The following GSE1 variants were observed in gnomAD, a reference collection of about 807,000 sequenced individuals.
GSE1 encodes Gse1 coiled-coil protein.
GSE1 carries 32 observed loss-of-function variants against 112.6 expected under a neutral mutation model. That is an observed-to-expected ratio of 0.28 (90% CI 0.21 to 0.38). The LOEUF is 0.38. Ranked by LOEUF, GSE1 falls within the 10% of genes least tolerant of loss-of-function variation. The pLI is 1.00. For missense variants in GSE1, 2,348 were observed against 1,699.2 expected (o/e 1.38, Z -6.71); for synonymous variants, 1,115 against 735.6 (o/e 1.52, Z -8.35).
chr16:85,428,219 G>C lies in GSE1; in HGVS notation c.2464+70576G>C, dbSNP rs1289460337. 3.3e-5 allele frequency among the ~76,000 whole-genome samples: 5 copies of C among 152,246 alleles called. No homozygotes were observed. In the East Asian group the frequency reaches 9.6e-4, roughly 29 times the overall value. The stretch of plus-strand genomic sequence containing the variant: ...CCCCTCATTAGCAGGGCAGGCTGAG[G>C]GCCCGAGACAAGGTCCAGCCCCGGC... On this transcript the variant is annotated intron_variant, in intron 2 of 2. Coordinates refer to the GSE1 transcript ENST00000637419.
intron 1 of GSE1, among the ~76,000 whole-genome samples, chr16:85,624,950 T>C (rs1442930762): frequency 6.6e-6 from 1 of 152,192 alleles, no homozygotes; most frequent in Non-Finnish European, 1.5e-5. Context: ...CTTTGCTTTC[T>C]GGGGTCTGCT....
In GSE1 at chr16:85,518,731, G is replaced by C. The variant is rs74415561; in HGVS notation, c.2465-115183G>C. ...TTAAATCACCCAGCAAGCAGGGGAC[G>C]TGCTCTCAGGTGTGCCCAGAGCTGC... On this transcript the variant is annotated intron_variant, in intron 2 of 2. Transcript: ENST00000637419. 9.6e-3 allele frequency among the ~76,000 whole-genome samples: 1,461 copies of C among 152,106 alleles called. 22 individuals are homozygous for C. The highest frequency in any genetic ancestry group is 0.033 in the African/African-American group (1,368 of 41,468).
intron 1 of GSE1, among the ~76,000 whole-genome samples, chr16:85,184,851 A>G (rs1862460827): frequency 6.6e-6 from 1 of 152,246 alleles, no homozygotes; most frequent in African/African-American, 2.4e-5. Context: ...ATTTAAGTGT[A>G]CGCTCTTGAA....
intron 1 of GSE1, among the ~76,000 whole-genome samples, chr16:85,629,795 C>T (rs140142850): frequency 1.1e-3 from 168 of 152,320 alleles, no homozygotes; most frequent in African/African-American, 3.8e-3. Context: ...GATAGTTTCA[C>T]TTCTTGGCTT....
At chr16:85,312,365 G>A (rs943445997) in intron 1 of GSE1, among the ~76,000 whole-genome samples, 1 of 152,178 alleles carries the variant, frequency 6.6e-6, no homozygotes, top group Admixed American at 6.5e-5. Context: ...TGGCAGGGCC[G>A]CCCTCCCTTC....
intron 1 of GSE1, among the ~76,000 whole-genome samples, chr16:85,173,941 CCTT>C (rs1224072022): frequency 6.6e-6 from 1 of 152,100 alleles, no homozygotes; most frequent in Non-Finnish European, 1.5e-5. Flanking sequence ...GCTCTTGAGG[CCTT>C]CTTATATCAT....
chr16:85,411,337 AG>A (rs869205389), intron 2 of GSE1, among the ~76,000 whole-genome samples: 2 of 14,000 alleles, frequency 1.4e-4, no homozygotes, highest in Non-Finnish European at 1.7e-4. Context: ...CGTTACACTC[AG>A]GGCCCCCCTG....
chr16:85,191,240 A>G (rs1051485070), intron 1 of GSE1, among the ~76,000 whole-genome samples: 3 of 152,222 alleles, frequency 2.0e-5, no homozygotes, highest in Non-Finnish European at 2.9e-5. Flanking sequence ...AGCCTGGGCA[A>G]CAGAGCCAGA....
At chr16:85,423,130 A>T (rs1167064107) in intron 2 of GSE1, among the ~76,000 whole-genome samples, 4 of 152,116 alleles carry the variant, frequency 2.6e-5, no homozygotes, top group Non-Finnish European at 5.9e-5. Context: ...GATCCTCATC[A>T]TTTGCCCCAC....
chr16:85,663,193 G>A (rs1362338924), intron 10 of GSE1, 100 bp downstream of exon 10: 2 of 1,253,008 alleles, frequency 1.6e-6, no homozygotes, highest in Non-Finnish European at 2.3e-6. Context: ...TTCCTCCGAA[G>A]TCCTGGCGGG....
At chr16:85,197,268 T>G (rs2074945848) in intron 1 of GSE1, among the ~76,000 whole-genome samples, 1 of 151,902 alleles carries the variant, frequency 6.6e-6, no homozygotes, top group Non-Finnish European at 1.5e-5. Flanking sequence ...GCCCCCTCCG[T>G]CCACTTGGAG....
rs971005994 is a variant in GSE1, at chr16:85,344,008, A to G, written c.2284-13455A>G. On this transcript the variant is annotated intron_variant, in intron 1 of 2. Coordinates refer to the GSE1 transcript ENST00000637419. Reference sequence around the variant, plus strand: ...CCCGCGCCTGAAACACTATTCCCCCAGGAACATGGCTCCTTACATAACTCA... The same window carrying G: ...CCCGCGCCTGAAACACTATTCCCCCGGGAACATGGCTCCTTACATAACTCA... Among the ~76,000 whole-genome samples the G allele has an allele frequency of 3.3e-5, 5 of 152,142 alleles. No homozygotes were observed. The South Asian group carries it at 1.0e-3, about 32-fold the overall frequency.
intron 2 of GSE1, among the ~76,000 whole-genome samples, chr16:85,645,571 GC>G (rs144622614): frequency 0.062 from 9,379 of 152,262 alleles, 1,009 homozygotes; most frequent in African/African-American, 0.21. Flanking sequence ...TGCCTGTGGG[GC>G]CTCTGCCTCC....
intron 1 of GSE1, among the ~76,000 whole-genome samples, chr16:85,571,284 C>T (rs975534660): frequency 6.6e-5 from 10 of 152,224 alleles, no homozygotes; most frequent in African/African-American, 1.9e-4. Context: ...TGGACCTGCA[C>T]CGCCTAATGT....
chr16:85,542,952 G>A (rs1055548274), intron 2 of GSE1, among the ~76,000 whole-genome samples: 6 of 152,218 alleles, frequency 3.9e-5, no homozygotes, highest in Non-Finnish European at 7.3e-5. Context: ...TTGTAGCCGG[G>A]CGTGGTGGCT....
intron 8 of GSE1, among the ~76,000 whole-genome samples, chr16:85,660,070 C>T (rs2052304452): frequency 6.6e-6 from 1 of 152,196 alleles, no homozygotes; most frequent in Non-Finnish European, 1.5e-5. Flanking sequence ...GAGTACTGCC[C>T]TGTGAAGGTG....
chr16:85,289,244 G>A (rs1368579523), intron 1 of GSE1, among the ~76,000 whole-genome samples: 2 of 152,162 alleles, frequency 1.3e-5, no homozygotes, highest in African/African-American at 4.8e-5. Flanking sequence ...AGAGGCTCTT[G>A]TGAGTTCATC....
chr16:85,401,851 C>T (rs991701472), intron 2 of GSE1, among the ~76,000 whole-genome samples: 2 of 152,224 alleles, frequency 1.3e-5, no homozygotes, highest in Non-Finnish European at 2.9e-5. Context: ...TAAACATGTG[C>T]TTTCCGTGTT....
chr16:85,248,429 G>C (rs1004629652), intron 1 of GSE1, among the ~76,000 whole-genome samples: 1 of 149,604 alleles, frequency 6.7e-6, no homozygotes, highest in Non-Finnish European at 1.5e-5. Flanking sequence ...TTCTCTTCCC[G>C]CATCTCTCTC....
Sources: allele counts gnomAD v4.1 joint callset (sites outside exome capture counted in the v4.1 genomes callset), GRCh38; gene constraint gnomAD v4.1.1; transcripts MANE v1.5; gene names NCBI Gene and HGNC (gene_info 2026-07-23, HGNC 2026-07-21).